The following SCRIB variants were observed in gnomAD, a reference collection of about 807,000 sequenced individuals.
SCRIB encodes the protein protein scribble homolog.
SCRIB carries 72 observed loss-of-function variants against 170.0 expected under a neutral mutation model. The ratio of observed to expected loss-of-function variants is 0.42; its 90% CI spans 0.35 to 0.52. The LOEUF is 0.52. Ranked by LOEUF, SCRIB falls within the 20% of genes least tolerant of loss-of-function variation. SCRIB has a pLI of 0.02. For synonymous variants in SCRIB, 1,298 were observed against 1,044.3 expected, an observed-to-expected ratio of 1.24 and a Z score of -4.68; for missense variants, 2,475 against 2,338.5, an observed-to-expected ratio of 1.06 and a Z score of -1.20.
rs772793283 is a variant in SCRIB, at chr8:143,813,295, T to C, written c.567+16A>G. The C allele has an allele frequency of 6.2e-7, 1 of 1,613,348 alleles. No individual in the cohort carries two copies. Among genetic ancestry groups the C allele is most frequent in the East Asian group, 2.2e-5 (1 of 44,888 alleles). On this transcript the variant is annotated intron_variant, in intron 6 of 36. Transcript: ENST00000356994. ...GGCCCGCCCTCCGGTCTCTGCCCTG[T>C]CAGGCCTCCACGCACCAGCACTTCC...
Position 143,809,700 on chromosome 8 carries a change from C to G in SCRIB, c.1549G>C (p.Glu517Gln). ...CGAGAGTCTTCACTCAGGCCAGACT[C>G]GGCACTCAGCCGCTTCTCCTGCGGC... is the stretch of plus-strand genomic sequence containing the variant. ...PAEEEKRLSA[E>Q]SGLSEDSRPS... Residue 517 changes from glutamate (E) to glutamine (Q), a missense_variant, in exon 14 of 37, where the codon GAG becomes CAG. By Grantham distance (29) the Glu-to-Gln change is conservative (BLOSUM62 2). Coordinates refer to ENST00000356994, the MANE Select transcript of SCRIB (RefSeq NM_182706.5). 2 of 1,609,428 alleles carry G rather than the reference C, an allele frequency of 1.2e-6. No homozygotes were observed. The highest frequency in any genetic ancestry group is 1.7e-6 in the Non-Finnish European group (2 of 1,179,544).
chr8:143,799,596 G>A (rs1162980415), intron 24 of SCRIB, among the ~76,000 whole-genome samples: 1 of 152,200 alleles, frequency 6.6e-6, no homozygotes, highest in Non-Finnish European at 1.5e-5. Context: ...CGCCGACCAT[G>A]GCGAGGCAGG....
At chr8:143,805,491 C>T (rs1554636361) in intron 18 of SCRIB, 56 bp from the exon 19 acceptor site, 12 of 1,413,696 alleles carry the variant, frequency 8.5e-6, no homozygotes, top group Middle Eastern at 3.6e-4. Context: ...CAGACAGCCA[C>T]GTGCTGGGGG....
Position 143,815,208 on chromosome 8 carries a change from G to A in SCRIB, c.159+6C>T, listed in dbSNP as rs1255201180. On this transcript the variant is annotated splice_donor_region_variant and intron_variant, in intron 1 of 36. Transcript: ENST00000356994. The stretch of plus-strand genomic sequence containing the variant: ...CTTTGGGCGGCAGGTGCGGGCGGCC[G>A]CTCACCTTGGGCAGCTCGCGCAGCT... The A allele has an allele frequency of 1.3e-6, 2 of 1,565,166 alleles. No homozygotes were observed. The highest frequency in any genetic ancestry group is 1.7e-6 in the Non-Finnish European group (2 of 1,162,292).
chr8:143,796,005 C>G (rs1366754099), intron 24 of SCRIB, among the ~76,000 whole-genome samples: 1 of 152,142 alleles, frequency 6.6e-6, no homozygotes, highest in Non-Finnish European at 1.5e-5. Flanking sequence ...GCAGGAGGCC[C>G]GGCCAGCTCT....
chr8:143,795,101 C>T lies in SCRIB; in HGVS notation c.3783G>A (p.Leu1261=). ...CGCGGTAGTCCAGCTTCAGGGGCTG[C>T]AGACCCCGACCCTGGGGGCAGAGTG... is the stretch of plus-strand genomic sequence containing the variant. The part of the protein sequence containing the change: ...PEATEAAGRG[L]QPLKLDYRAL... The change falls in exon 27 of 37, where the codon CTG becomes CTA. Residue 1261 remains leucine, a synonymous_variant. Transcript: ENST00000356994. The T allele has an allele frequency of 6.2e-7, 1 of 1,611,116 alleles. No individual in the cohort carries two copies. Among genetic ancestry groups the T allele is most frequent in the East Asian group, 2.2e-5 (1 of 44,838 alleles).
At chr8:143,807,708 G>A (rs1554636955) in intron 15 of SCRIB, 94 bp from the exon 16 acceptor site, 1 of 1,025,452 alleles carries the variant, frequency 9.8e-7, no homozygotes. Flanking sequence ...AGAAAGGACA[G>A]AGGAGACCAC....
intron 24 of SCRIB, among the ~76,000 whole-genome samples, chr8:143,802,133 A>G (rs1349788919): frequency 1.3e-5 from 2 of 152,264 alleles, no homozygotes; most frequent in African/African-American, 2.4e-5. Flanking sequence ...GATGGTCCAG[A>G]GCTCGAGTCC....
Position 143,800,363 on chromosome 8 carries a change from G to A in SCRIB, c.3603+3020C>T, listed in dbSNP as rs1396896813. ...AAGAGAGTCTACAGCAAACGTCACA[G>A]TACAAGATGAAAGTCCCTCAGAGCT... On this transcript the variant is annotated intron_variant, in intron 24 of 36. Transcript: ENST00000356994. 3.9e-4 allele frequency among the ~76,000 whole-genome samples: 59 copies of A among 152,214 alleles called. 3 individuals are homozygous for A. Among genetic ancestry groups the A allele is most frequent in the African/African-American group, 7.2e-5 (3 of 41,448 alleles).
chr8:143,793,071 G>T lies in SCRIB; in HGVS notation c.3922C>A (p.Pro1308Thr), dbSNP rs782547395. The T allele has an allele frequency of 2.0e-6, 3 of 1,480,918 alleles. No individual in the cohort carries two copies. Among genetic ancestry groups the T allele is most frequent in the Non-Finnish European group, 2.7e-6 (3 of 1,115,026 alleles). The allele number at this position is 1,480,918 out of a possible 1,614,324, so 91.7% of individuals were successfully genotyped here. Residue 1308 changes from proline to threonine, a missense_variant, in exon 29 of 37, where the codon CCT becomes ACT. Physicochemically the swap from Pro to Thr is conservative, Grantham distance 38. Coordinates refer to ENST00000356994, the MANE Select transcript of SCRIB (RefSeq NM_182706.5). ...TTGGCGGGCAGCTCATCCGGAGAAG[G>T]CGGGGAGGGCGGCTGGGGGGTGGGG... ...SPSGQQPPSPPSPDELPANVK... is the reference protein window; with the variant it reads ...SPSGQQPPSPTSPDELPANVK...
At chr8:143,796,719 C>T (rs1296720685) in intron 24 of SCRIB, among the ~76,000 whole-genome samples, 5 of 152,138 alleles carry the variant, frequency 3.3e-5, no homozygotes, top group East Asian at 1.9e-4. Flanking sequence ...ACAGGACTAG[C>T]GGGACAAACA....
intron 24 of SCRIB, among the ~76,000 whole-genome samples, chr8:143,796,279 C>G (rs1814941553): frequency 6.6e-6 from 1 of 152,204 alleles, no homozygotes; most frequent in South Asian, 2.1e-4. Context: ...CCACCCCCAG[C>G]AGCAGCCAGA....
chr8:143,792,584 G>A lies in SCRIB; in HGVS notation c.4229C>T (p.Ala1410Val). ...RAQMLREAAE[A>V]GAEARLALDG... ...CAGGGCGAGCCTCGCTTCGGCCCCAGCCTCTGCCGCCTCCCGCAGCATCTG... is the reference window on the plus strand; with the variant it reads ...CAGGGCGAGCCTCGCTTCGGCCCCAACCTCTGCCGCCTCCCGCAGCATCTG... The change falls in exon 31 of 37, where the codon GCT becomes GTT. Residue 1410 changes from alanine to valine, a missense_variant. Ala to Val is a moderately conservative substitution (Grantham distance 64). This residue lies in a region of SCRIB where 1,966 missense variants were observed against 1,742.9 expected (regional missense o/e 1.13). Coordinates refer to ENST00000356994, the MANE Select transcript of SCRIB (RefSeq NM_182706.5). The A allele has an allele frequency of 6.3e-7, 1 of 1,584,908 alleles. No homozygotes were observed. The highest frequency in any genetic ancestry group is 8.5e-7 in the Non-Finnish European group (1 of 1,172,916).
chr8:143,804,367 C>T (rs1356162860), intron 21 of SCRIB, among the ~76,000 whole-genome samples: 1 of 152,258 alleles, frequency 6.6e-6, no homozygotes, highest in Non-Finnish European at 1.5e-5. Flanking sequence ...TGTGGCCAGC[C>T]AGGAGACTGT....
chr8:143,792,361 A>C lies in SCRIB; in HGVS notation c.4373T>G (p.Val1458Gly). 6.5e-7 allele frequency: 1 copy of C among 1,529,668 alleles called. No homozygotes were observed. Among genetic ancestry groups the C allele is most frequent in the Non-Finnish European group, 8.7e-7 (1 of 1,143,900 alleles). 94.8% of individuals were successfully genotyped at this position (1,529,668 alleles called of 1,614,324 possible). Residue 1458 changes from valine (V) to glycine (G), a missense_variant, in exon 32 of 37, where the codon GTG becomes GGG. By Grantham distance (109) the Val-to-Gly change is moderately radical. Transcript: ENST00000356994. ...GCGCCGTTCAGCTTTGGCCGTCCGC[A>C]CCGGGGCGCCACCTCCCAGGGGTGG... ...SPPPLGGGAP[V>G]RTAKAERRHQ... is the part of the protein sequence containing the mutation.
intron 14 of SCRIB, 36 bp downstream of exon 14, chr8:143,809,515 G>A (rs755967941): frequency 3.8e-6 from 6 of 1,590,946 alleles, no homozygotes; most frequent in Non-Finnish European, 4.3e-6. Context: ...CCACCCAGCA[G>A]GCCCAGCCTC....
rs764456085 is a variant in SCRIB, at chr8:143,808,866, G to A, written c.1858C>T (p.Pro620Ser). 8 of 1,609,996 alleles carry A rather than the reference G, an allele frequency of 5.0e-6. No individual in the cohort carries two copies. The highest frequency in any genetic ancestry group is 1.1e-5 in the South Asian group (1 of 91,090). The part of the protein sequence containing the change: ...YKKHFKISKL[P>S]QPEAVVALLQ... ...AGAGCCACAACGGCCTCGGGCTGGG[G>A]CAGCTTGGAGATCTTGAAGTGCTTT... is the stretch of plus-strand genomic sequence containing the variant. Residue 620 changes from proline (P) to serine (S), a missense_variant, in exon 15 of 37, where the codon CCC becomes TCC. This residue lies in a region of SCRIB where 1,966 missense variants were observed against 1,742.9 expected (regional missense o/e 1.13). Coordinates refer to ENST00000356994, the MANE Select transcript of SCRIB (RefSeq NM_182706.5).
intron 17 of SCRIB, 124 bp downstream of exon 17, chr8:143,806,800 T>C (rs1290684317): frequency 4.0e-6 from 3 of 758,512 alleles, no homozygotes; most frequent in African/African-American, 1.8e-5. Context: ...GTAGGTGCCT[T>C]GGGCCCAGCC....
At chr8:143,814,570 G>C (rs531513541) in intron 1 of SCRIB, among the ~76,000 whole-genome samples, 29 of 152,332 alleles carry the variant, frequency 1.9e-4, no homozygotes, top group African/African-American at 5.8e-4. Context: ...CTACGCGCGA[G>C]GCCTGCAGGT....
Sources: allele counts gnomAD v4.1 joint callset (sites outside exome capture counted in the v4.1 genomes callset), GRCh38; gene constraint gnomAD v4.1.1; regional missense constraint gnomAD v4.1.1; transcripts MANE v1.5; gene names NCBI Gene and HGNC (gene_info 2026-07-23, HGNC 2026-07-21).